Variants in PAX7 observed in about 807,000 individuals in gnomAD.
PAX7 encodes paired box 7.
In PAX7, 18 loss-of-function variants were observed where a neutral mutation model predicts 50.7. The ratio of observed to expected loss-of-function variants is 0.36; its 90% CI spans 0.25 to 0.53. The LOEUF (loss-of-function observed/expected upper bound fraction) is 0.53. Ranked by LOEUF, PAX7 falls within the 20% of genes least tolerant of loss-of-function variation. The pLI, the probability that PAX7 is intolerant of heterozygous loss-of-function variation, is 0.93. For missense variants in PAX7, 644 were observed against 702.9 expected (o/e 0.92, Z 0.95); for synonymous variants, 310 against 290.4 (o/e 1.07, Z -0.69).
rs1273062217 is a variant in PAX7 at position 18,747,703 on chromosome 1, GC to G, written c.*2776del. On this transcript the variant is annotated 3_prime_UTR_variant, in exon 9 of 9. Transcript: ENST00000420770. ...TGCTTCCTCCAACTTATCACAAGTC[GC>G]CGTTGGTCCTCTCTAAGGAGGGCTC... The G allele has an allele frequency of 1.5e-5, 3 of 203,622 alleles. No homozygotes were observed. The highest frequency in any genetic ancestry group is 6.9e-5 in the African/African-American group (3 of 43,570). 12.6% of individuals were successfully genotyped at this position (203,622 alleles called of 1,614,324 possible).
chr1:18,694,920 C>T (rs139072773), intron 5 of PAX7, among the ~76,000 whole-genome samples: 2,548 of 149,116 alleles, frequency 0.017, 47 homozygotes, highest in Middle Eastern at 0.031. Context: ...GAGTTATGAC[C>T]TCAAAGCCCC....
chr1:18,639,294 G>T (rs888484309), intron 4 of PAX7, among the ~76,000 whole-genome samples: 2 of 152,118 alleles, frequency 1.3e-5, no homozygotes, highest in African/African-American at 4.8e-5. Context: ...TAAGTTGAAG[G>T]GTTTTAAAGC....
chr1:18,709,202 C>G (rs2089319130), intron 7 of PAX7, among the ~76,000 whole-genome samples: 1 of 152,124 alleles, frequency 6.6e-6, no homozygotes, highest in Admixed American at 6.5e-5. Context: ...CTGAAAATCA[C>G]ACGGTTGGGT....
chr1:18,686,732 C>G (rs895583832), intron 4 of PAX7, among the ~76,000 whole-genome samples: 1 of 152,022 alleles, frequency 6.6e-6, no homozygotes, highest in African/African-American at 2.4e-5. Context: ...GGCATTGGGG[C>G]TCTTTGTGTC....
At chr1:18,696,159 G>A (rs1379200335) in intron 5 of PAX7, among the ~76,000 whole-genome samples, 4 of 149,538 alleles carry the variant, frequency 2.7e-5, no homozygotes, top group South Asian at 2.1e-4. Context: ...TCCGCCTCCC[G>A]GTTTCAAACG....
At chr1:18,684,463 C>T (rs1311739617) in intron 4 of PAX7, among the ~76,000 whole-genome samples, 2 of 152,236 alleles carry the variant, frequency 1.3e-5, no homozygotes, top group Admixed American at 1.3e-4. Flanking sequence ...GCTCCTCCGT[C>T]GCCCTGTCCT....
chr1:18,649,075 G>C (rs2088392169), intron 4 of PAX7, among the ~76,000 whole-genome samples: 2 of 152,282 alleles, frequency 1.3e-5, no homozygotes, highest in East Asian at 1.9e-4. Flanking sequence ...GATTACAAAG[G>C]GTGGAGTCAG....
At chr1:18,722,940 T>A (rs1438894100) in intron 7 of PAX7, among the ~76,000 whole-genome samples, 1 of 152,216 alleles carries the variant, frequency 6.6e-6, no homozygotes, top group Non-Finnish European at 1.5e-5. Flanking sequence ...ATTTGTCTCC[T>A]TTCCTCATCC....
At chr1:18,718,010 C>CT (rs2089449269) in intron 7 of PAX7, among the ~76,000 whole-genome samples, 1 of 152,200 alleles carries the variant, frequency 6.6e-6, no homozygotes, top group Non-Finnish European at 1.5e-5. Context: ...GACCACCCTC[C>CT]TTAACAAGCT....
chr1:18,679,911 T>C lies in PAX7; in HGVS notation c.587-11843T>C, dbSNP rs1557525959. ...GCCTCTGAGGGATACAGAAGTAAAA[T>C]AGGTCCACACTACATGGAGGGGCCA... On this transcript the variant is annotated intron_variant, in intron 4 of 8. Coordinates refer to ENST00000420770, the MANE Select transcript of PAX7 (RefSeq NM_001135254.2). 2.0e-5 allele frequency among the ~76,000 whole-genome samples: 3 copies of C among 152,206 alleles called. No individual in the cohort carries two copies. In the South Asian group the frequency reaches 6.2e-4, roughly 32 times the overall value.
chr1:18,700,209 CA>C lies in PAX7; in HGVS notation c.787-443del, dbSNP rs1357698604. Among the ~76,000 whole-genome samples the C allele has an allele frequency of 1.3e-5, 2 of 151,808 alleles. No homozygotes were observed. The highest frequency in any genetic ancestry group is 3.9e-4 in the East Asian group (2 of 5,160). Reference sequence around the variant, plus strand: ...GGCTTGCACATCTGGGTCTGAAGTGCAGGTCTCATTCAGGTGGGTTGCAGAT... The same window carrying C: ...GGCTTGCACATCTGGGTCTGAAGTGCGGTCTCATTCAGGTGGGTTGCAGAT... On this transcript the variant is annotated intron_variant, in intron 5 of 8. Transcript: ENST00000420770. This position sits in a 1 kb window ranked among gnomAD's most constrained non-coding sequence, Gnocchi z 4.8.
chr1:18,678,965 A>G (rs1481148477), intron 4 of PAX7, among the ~76,000 whole-genome samples: 1 of 152,142 alleles, frequency 6.6e-6, no homozygotes, highest in Non-Finnish European at 1.5e-5. Flanking sequence ...GAGTTACTTA[A>G]CCCCTTTGAG....
At chr1:18,683,542 G>A (rs1278522704) in intron 4 of PAX7, among the ~76,000 whole-genome samples, 7 of 152,214 alleles carry the variant, frequency 4.6e-5, no homozygotes, top group Admixed American at 3.3e-4. Context: ...CCAAAGGACA[G>A]TCAAGAATGC....
intron 7 of PAX7, among the ~76,000 whole-genome samples, chr1:18,709,605 C>T (rs1053443617): frequency 6.6e-6 from 1 of 152,208 alleles, no homozygotes; most frequent in African/African-American, 2.4e-5. Context: ...ACCCCACTTG[C>T]CCTCCTTGAC....
At chr1:18,728,260 G>A (rs1205062345) in intron 7 of PAX7, among the ~76,000 whole-genome samples, 1 of 152,078 alleles carries the variant, frequency 6.6e-6, no homozygotes, top group Non-Finnish European at 1.5e-5. Flanking sequence ...GGGGAGGCCG[G>A]TGGATCTGTG....
rs1040695921 is a variant in PAX7 at position 18,676,280 on chromosome 1, T to C, written c.587-15474T>C. 2.0e-5 allele frequency among the ~76,000 whole-genome samples: 3 copies of C among 151,984 alleles called. No individual in the cohort carries two copies. The East Asian group carries it at 5.8e-4, about 30-fold the overall frequency. ...CAAATCAGAAATTTGTCCACATTTT[T>C]CCACCACCTTCCACTGTGGACCTGC... On this transcript the variant is annotated intron_variant, in intron 4 of 8. Transcript: ENST00000420770.
intron 7 of PAX7, among the ~76,000 whole-genome samples, chr1:18,713,879 G>C (rs1312898318): frequency 6.6e-6 from 1 of 152,174 alleles, no homozygotes; most frequent in Non-Finnish European, 1.5e-5. Flanking sequence ...GGCACATCGT[G>C]GACACAGTGG....
chr1:18,644,004 C>G (rs576949610), intron 4 of PAX7, among the ~76,000 whole-genome samples: 21 of 152,384 alleles, frequency 1.4e-4, no homozygotes, highest in Admixed American at 1.1e-3. Context: ...CTTCACTGCC[C>G]GGAGAGTGAA....
rs533102837 is a variant in PAX7, at chr1:18,634,814, A to G, written c.321+276A>G. On this transcript the variant is annotated intron_variant, in intron 2 of 8. Transcript: ENST00000420770. This position sits in a 1 kb window ranked among gnomAD's most constrained non-coding sequence, Gnocchi z 4.0. ...ACCCCTGTCACCTTCCAAGACCAGA[A>G]GACATCTTCTCTCAGTCTTTCCTGA... is the stretch of plus-strand genomic sequence containing the variant. 6.6e-6 allele frequency among the ~76,000 whole-genome samples: 1 copy of G among 152,320 alleles called. No individual in the cohort carries two copies. Among genetic ancestry groups the G allele is most frequent in the South Asian group, 2.1e-4 (1 of 4,830 alleles).
Sources: gnomAD v4.1 joint callset for allele counts (sites outside exome capture counted in the v4.1 genomes callset) on GRCh38, gnomAD v4.1.1 for gene constraint, Gnocchi (gnomAD v3.1) non-coding constraint, MANE v1.5 for transcripts, NCBI Gene and HGNC (gene_info 2026-07-23, HGNC 2026-07-21) for gene names.